GPC5: variants seen among roughly 807,000 people sequenced by gnomAD.
GPC5 encodes glypican 5, also known as glypican-5.
In GPC5, 47 loss-of-function variants were observed where a neutral mutation model predicts 53.9. That is an observed-to-expected ratio of 0.87 (90% CI 0.69 to 1.11). The LOEUF is 1.11. GPC5 is among the 50% of genes most tolerant of loss of function. GPC5 has a pLI of 0.00. For missense variants in GPC5, 748 were observed against 713.1 expected (o/e 1.05, Z -0.56); for synonymous variants, 286 against 263.3 (o/e 1.09, Z -0.84).
chr13:92,426,887 G>C (rs1426499101), intron 7 of GPC5, among the ~76,000 whole-genome samples: 5 of 151,898 alleles, frequency 3.3e-5, no homozygotes, highest in African/African-American at 1.2e-4. Context: ...AACTATAGGA[G>C]ACCTGTGAAA....
At chr13:92,705,657 T>C (rs1887923140) in intron 7 of GPC5, among the ~76,000 whole-genome samples, 1 of 152,178 alleles carries the variant, frequency 6.6e-6, no homozygotes, top group African/African-American at 2.4e-5. Context: ...TTTTCAAAAA[T>C]TTAAAATTAT....
chr13:92,554,095 C>A (rs1005790320), intron 7 of GPC5, among the ~76,000 whole-genome samples: 1 of 151,898 alleles, frequency 6.6e-6, no homozygotes, highest in Non-Finnish European at 1.5e-5. Context: ...TGCCCACAAT[C>A]ATGGTTCAAT....
intron 7 of GPC5, among the ~76,000 whole-genome samples, chr13:92,369,598 G>C (rs1307480243): frequency 6.6e-6 from 1 of 152,214 alleles, no homozygotes; most frequent in Non-Finnish European, 1.5e-5. Flanking sequence ...AATATTACAA[G>C]CTATTGTAGG....
chr13:92,021,926 C>A (rs143930115), intron 6 of GPC5, among the ~76,000 whole-genome samples: 1 of 152,114 alleles, frequency 6.6e-6, no homozygotes, highest in Non-Finnish European at 1.5e-5. Flanking sequence ...TTTAAGCACA[C>A]GCAATTTTGC....
At chr13:92,122,926 T>G (rs1431866327) in intron 6 of GPC5, among the ~76,000 whole-genome samples, 3 of 152,100 alleles carry the variant, frequency 2.0e-5, no homozygotes. Flanking sequence ...TTACTATTTT[T>G]CACACTAAAC....
chr13:91,918,969 A>G (rs565977018), intron 6 of GPC5, among the ~76,000 whole-genome samples: 1 of 152,208 alleles, frequency 6.6e-6, no homozygotes, highest in Admixed American at 6.5e-5. Context: ...AGTCTCAGAT[A>G]CTTCAGTCTA....
chr13:91,816,885 C>T (rs1219958799), intron 5 of GPC5, among the ~76,000 whole-genome samples: 1 of 152,040 alleles, frequency 6.6e-6, no homozygotes, highest in Non-Finnish European at 1.5e-5. Context: ...ATTGATTAAC[C>T]TGGGTATGGC....
At chr13:92,512,480 A>G (rs1256091348) in intron 7 of GPC5, among the ~76,000 whole-genome samples, 2 of 152,092 alleles carry the variant, frequency 1.3e-5, no homozygotes, top group Non-Finnish European at 2.9e-5. Flanking sequence ...TTAAGACAAT[A>G]AAAATATTAT....
At chr13:92,445,149 CCT>C (rs1262080068) in intron 7 of GPC5, among the ~76,000 whole-genome samples, 14 of 151,158 alleles carry the variant, frequency 9.3e-5, no homozygotes, top group African/African-American at 2.9e-4. Flanking sequence ...TTTATTCCTT[CCT>C]CTCTTTTCCT....
chr13:91,991,769 C>T (rs2040458660), intron 6 of GPC5, among the ~76,000 whole-genome samples: 1 of 152,112 alleles, frequency 6.6e-6, no homozygotes, highest in African/African-American at 2.4e-5. Context: ...TTCATGAATT[C>T]TATTTTTTGT....
chr13:91,428,332 G>A (rs1045023954), intron 1 of GPC5, among the ~76,000 whole-genome samples: 5 of 152,186 alleles, frequency 3.3e-5, no homozygotes, highest in African/African-American at 9.7e-5. Context: ...GTTGCTGGCT[G>A]CAAGGTTGAG....
intron 7 of GPC5, among the ~76,000 whole-genome samples, chr13:92,333,859 T>C (rs565116501): frequency 6.6e-6 from 1 of 152,158 alleles, no homozygotes; most frequent in African/African-American, 2.4e-5. Flanking sequence ...ATTAATAGGC[T>C]AAGGGCTCTT....
intron 7 of GPC5, among the ~76,000 whole-genome samples, chr13:92,357,344 G>T (rs913144953): frequency 3.3e-5 from 5 of 151,758 alleles, no homozygotes; most frequent in Admixed American, 2.0e-4. Flanking sequence ...CAGAGTAAAA[G>T]TGTTCCTTTT....
chr13:91,645,486 C>T (rs1057393300), intron 2 of GPC5, among the ~76,000 whole-genome samples: 4 of 152,104 alleles, frequency 2.6e-5, no homozygotes, highest in African/African-American at 9.7e-5. Flanking sequence ...GGGGAAGAAC[C>T]AGACACTGCC....
chr13:92,703,052 ATATTTATT>A lies in GPC5; in HGVS notation c.1562-163200_1562-163193del, dbSNP rs138015246. Among the ~76,000 whole-genome samples, 277 of 145,804 alleles carry A rather than the reference ATATTTATT, an allele frequency of 1.9e-3. 1 individual carries two copies. The highest frequency in any genetic ancestry group is 4.4e-3 in the South Asian group (20 of 4,584). ...TCATCCCTATACCTGGCATATATAT[ATATTTATT>A]TATTTATTTATTTATTTATTTATTT... is the stretch of plus-strand genomic sequence containing the variant. On this transcript the variant is annotated intron_variant, in intron 7 of 7. Coordinates refer to ENST00000377067, the MANE Select transcript of GPC5 (RefSeq NM_004466.6).
At chr13:91,696,524 G>A (rs543670833) in intron 3 of GPC5, among the ~76,000 whole-genome samples, 35 of 152,154 alleles carry the variant, frequency 2.3e-4, no homozygotes, top group Middle Eastern at 3.4e-3. Flanking sequence ...TTCGCACATC[G>A]ATGAATTTAA....
chr13:92,549,342 C>T (rs961563053), intron 7 of GPC5, among the ~76,000 whole-genome samples: 3 of 151,984 alleles, frequency 2.0e-5, no homozygotes, highest in Admixed American at 6.6e-5. Flanking sequence ...ATTTTTCTGA[C>T]GCTGCAGGTT....
rs548576557 is a variant in GPC5 at position 92,757,378 on chromosome 13, A to C, written c.1562-108904A>C. ...TGTTAGACCTAAAACCATAAAAACC[A>C]TGGAAGAAAACCTAGGCAATACCAT... On this transcript the variant is annotated intron_variant, in intron 7 of 7. Coordinates refer to ENST00000377067, the MANE Select transcript of GPC5 (RefSeq NM_004466.6). Among the ~76,000 whole-genome samples the C allele has an allele frequency of 2.1e-3, 313 of 152,220 alleles. 1 individual carries two copies. The highest frequency in any genetic ancestry group is 7.3e-3 in the African/African-American group (303 of 41,550).
intron 6 of GPC5, among the ~76,000 whole-genome samples, chr13:91,947,968 C>G (rs2039989090): frequency 6.6e-6 from 1 of 152,002 alleles, no homozygotes; most frequent in Non-Finnish European, 1.5e-5. Context: ...TGACCTTGCT[C>G]AAGTCTACAT....
Sources: allele counts gnomAD v4.1 joint callset (sites outside exome capture counted in the v4.1 genomes callset), GRCh38; gene constraint gnomAD v4.1.1; transcripts MANE v1.5; gene names NCBI Gene and HGNC (gene_info 2026-07-23, HGNC 2026-07-21).